The following SENP5 variants were observed in gnomAD, a reference collection of about 807,000 sequenced individuals.
SENP5 encodes the protein sentrin-specific protease 5.
Under a neutral mutation model 74.2 loss-of-function variants are expected in SENP5, and 21 were observed. The ratio of observed to expected loss-of-function variants is 0.28; its 90% CI spans 0.20 to 0.41. The LOEUF is 0.41. Among genes scored for constraint, SENP5 ranks in the 10% least tolerant of loss-of-function variants. The probability of loss-of-function intolerance (pLI) is 1.00; values close to 1 mark genes in which losing one functional copy is unlikely to be tolerated. For missense variants in SENP5, 717 were observed against 889.1 expected, an observed-to-expected ratio of 0.81 and a Z score of 2.46; for synonymous variants, 311 against 312.7, an observed-to-expected ratio of 0.99 and a Z score of 0.06.
intron 2 of SENP5, among the ~76,000 whole-genome samples, chr3:196,899,239 T>G (rs1714594841): frequency 1.3e-5 from 2 of 152,182 alleles, no homozygotes; most frequent in African/African-American, 4.8e-5. Flanking sequence ...GTCACAGTGA[T>G]CTCATCAGTT....
In SENP5 at chr3:196,886,302, A is replaced by G. The variant is rs1393414693; in HGVS notation, c.1121A>G (p.Asp374Gly). 1 of 1,614,090 alleles carries G rather than the reference A, an allele frequency of 6.2e-7. No homozygotes were observed. The highest frequency in any genetic ancestry group is 8.5e-7 in the Non-Finnish European group (1 of 1,180,012). Residue 374 changes from aspartate to glycine, a missense_variant, in exon 2 of 10, where the codon GAC (aspartate) becomes GGC (glycine). Transcript: ENST00000323460. ...PKWECTELIH[D>G]IPLPEHRSNT... is the part of the protein sequence containing the mutation. ...TGGGAGTGTACAGAGCTGATTCATGACATCCCCTTACCAGAACATCGTTCT... is the reference window on the plus strand; with the variant it reads ...TGGGAGTGTACAGAGCTGATTCATGGCATCCCCTTACCAGAACATCGTTCT...
chr3:196,885,999 G>A lies in SENP5; in HGVS notation c.818G>A (p.Gly273Glu), dbSNP rs755809349. The A allele has an allele frequency of 3.1e-6, 5 of 1,614,054 alleles. No individual in the cohort carries two copies. The African/African-American group carries it at 4.0e-5, about 13-fold the overall frequency. The change falls in exon 2 of 10, where the codon GGG (glycine) becomes GAG (glutamate). Residue 273 changes from glycine to glutamate, a missense_variant. Gly to Glu is a moderately conservative substitution (Grantham distance 98). Transcript: ENST00000323460. ...CGAAGCTGGGTACAGAAAGTCACTG[G>A]GGACCATCAAGAGACCCGTAGGGAG... ...AQRSWVQKVT[G>E]DHQETRRENG...
At chr3:196,910,115 CAGAG>C (rs1336304233) in intron 6 of SENP5, among the ~76,000 whole-genome samples, 3 of 151,976 alleles carry the variant, frequency 2.0e-5, no homozygotes, top group East Asian at 3.9e-4. Flanking sequence ...AATGGACAAG[CAGAG>C]AGCCAAATCA....
intron 2 of SENP5, 25 bp downstream of exon 2, chr3:196,886,719 C>G (rs368435669): frequency 2.3e-4 from 342 of 1,497,240 alleles, no homozygotes; most frequent in Non-Finnish European, 3.0e-4. Context: ...TTTATTCTCC[C>G]TCAAACTCCA....
intron 1 of SENP5, among the ~76,000 whole-genome samples, chr3:196,876,959 T>A (rs954348166): frequency 1.3e-5 from 2 of 152,182 alleles, no homozygotes; most frequent in Non-Finnish European, 2.9e-5. Context: ...TGTTGGGCAC[T>A]ACAAAACCCA....
chr3:196,916,416 G>A (rs1278081334), intron 6 of SENP5, among the ~76,000 whole-genome samples: 1 of 152,038 alleles, frequency 6.6e-6, no homozygotes, highest in African/African-American at 2.4e-5. Context: ...ACAGAGATAT[G>A]CAACCTCTCA....
intron 1 of SENP5, among the ~76,000 whole-genome samples, chr3:196,869,385 G>GT: frequency 2.0e-5 from 3 of 150,658 alleles, no homozygotes. Context: ...TGTATTTTTA[G>GT]TAGACATGGG....
intron 1 of SENP5, among the ~76,000 whole-genome samples, chr3:196,874,903 ATT>A (rs1369658890): frequency 2.0e-5 from 3 of 151,844 alleles, no homozygotes; most frequent in Non-Finnish European, 4.4e-5. Context: ...TCCTTGGGCT[ATT>A]GCCCTAGGGT....
At chr3:196,910,953 A>T (rs1227589991) in intron 6 of SENP5, among the ~76,000 whole-genome samples, 1 of 152,206 alleles carries the variant, frequency 6.6e-6, no homozygotes, top group Non-Finnish European at 1.5e-5. Flanking sequence ...GACAAACCCG[A>T]CAAAAGCAAT....
intron 1 of SENP5, among the ~76,000 whole-genome samples, chr3:196,881,653 A>C (rs1004356634): frequency 6.6e-6 from 1 of 151,624 alleles, no homozygotes; most frequent in African/African-American, 2.4e-5. Flanking sequence ...TATATTAGGG[A>C]TATTAGGCCT....
In SENP5 at chr3:196,931,928, G is replaced by A; in HGVS notation, c.*1005G>A. The A allele has an allele frequency of 2.2e-6, 1 of 455,298 alleles. No homozygotes were observed. The highest frequency in any genetic ancestry group is 1.6e-5 in the South Asian group (1 of 64,316). The allele number at this position is 455,298 out of a possible 1,614,324, so 28.2% of individuals were successfully genotyped here. A position where few individuals can be genotyped will look rare whatever the true frequency, so the allele number is the denominator to read the frequency against. On this transcript the variant is annotated 3_prime_UTR_variant, in exon 10 of 10. Transcript: ENST00000323460. ...ATGTTTTGCAGGTGGCTGGAGAGAAGAGGGAAGGTAATAGAGACAACTTAG... is the reference window on the plus strand; with the variant it reads ...ATGTTTTGCAGGTGGCTGGAGAGAAAAGGGAAGGTAATAGAGACAACTTAG...
chr3:196,904,875 G>C (rs1220490364), intron 6 of SENP5: 1 of 152,132 alleles, frequency 6.6e-6, no homozygotes, highest in Non-Finnish European at 1.5e-5. Context: ...GTGTGTAAAT[G>C]ATAGATAGGA....
intron 2 of SENP5, among the ~76,000 whole-genome samples, chr3:196,894,370 G>A (rs1302651976): frequency 1.3e-5 from 2 of 151,768 alleles, no homozygotes; most frequent in African/African-American, 4.8e-5. Context: ...TGATCCGCCC[G>A]CCTTATCCTC....
intron 6 of SENP5, among the ~76,000 whole-genome samples, chr3:196,907,453 C>CAAA (rs71623311): frequency 1.7e-5 from 2 of 115,344 alleles, no homozygotes. Context: ...GACTCCGTCT[C>CAAA]AAAAAAAAAA....
At chr3:196,898,459 G>T (rs1012061126) in intron 2 of SENP5, among the ~76,000 whole-genome samples, 1 of 151,552 alleles carries the variant, frequency 6.6e-6, no homozygotes, top group Admixed American at 6.6e-5. Context: ...AATTAGCTGG[G>T]TGTGGTTTCA....
chr3:196,921,133 A>G (rs566776664), intron 6 of SENP5, among the ~76,000 whole-genome samples: 13 of 152,370 alleles, frequency 8.5e-5, no homozygotes, highest in African/African-American at 3.1e-4. Flanking sequence ...TAATATTTGC[A>G]TATATATAAT....
chr3:196,923,450 A>G lies in SENP5; in HGVS notation c.1921A>G (p.Ile641Val), dbSNP rs1290172108. ...TAAAAAGAGTCTTCTGTTGATTCCT[A>G]TTCACCTGGAAGTCCACTGGTCTCT... ...LFKKSLLLIP[I>V]HLEVHWSLIT... is the part of the protein sequence containing the mutation. The change falls in exon 7 of 10, where the codon ATT (isoleucine) becomes GTT (valine). Residue 641 changes from isoleucine to valine, a missense_variant. Physicochemically the swap from Ile to Val is conservative, Grantham distance 29. This residue lies in a region of SENP5 where 85 missense variants were observed against 188.9 expected (regional missense o/e 0.45). Coordinates refer to ENST00000323460, the MANE Select transcript of SENP5 (RefSeq NM_152699.5). 13 of 1,612,052 alleles carry G rather than the reference A, an allele frequency of 8.1e-6. No individual in the cohort carries two copies. Among genetic ancestry groups the G allele is most frequent in the South Asian group, 1.1e-5 (1 of 90,666 alleles).
At chr3:196,914,583 AAAAATAT>A (rs1197401991) in intron 6 of SENP5, 5 of 94,452 alleles carry the variant, frequency 5.3e-5, no homozygotes, top group East Asian at 2.4e-4. Context: ...AAAAAAAAAA[AAAAATAT>A]ATATATATAT....
rs972784220 is a variant in SENP5, at chr3:196,883,061, T to C, written c.-31-2090T>C. ...TGTGTTCGGAGTCTCATATGCAGTA[T>C]ATAATTCCATCTTCAAATTATGCCT... On this transcript the variant is annotated intron_variant, in intron 1 of 9. Transcript: ENST00000323460. Among the ~76,000 whole-genome samples the C allele has an allele frequency of 3.5e-4, 54 of 152,182 alleles. 1 individual carries two copies. Among genetic ancestry groups the C allele is most frequent in the African/African-American group, 1.2e-3 (51 of 41,538 alleles).
Sources: allele counts gnomAD v4.1 joint callset (sites outside exome capture counted in the v4.1 genomes callset), GRCh38; gene constraint gnomAD v4.1.1; regional missense constraint gnomAD v4.1.1; transcripts MANE v1.5; gene names NCBI Gene and HGNC (gene_info 2026-07-23, HGNC 2026-07-21).